ABCC4: variants seen among roughly 807,000 people sequenced by gnomAD.
ABCC4 encodes the protein ATP binding cassette subfamily C member 4 (PEL blood group).
ABCC4 carries 102 observed loss-of-function variants against 168.5 expected under a neutral mutation model. That is an observed-to-expected ratio of 0.61 (90% CI 0.52 to 0.71). The LOEUF (loss-of-function observed/expected upper bound fraction) is 0.71, where lower values mean the gene tolerates loss of function less well. ABCC4 is among the 30% of genes least tolerant of loss of function. ABCC4 has a pLI of 0.00. For synonymous variants in ABCC4, 617 were observed against 590.7 expected (o/e 1.04, Z -0.65); for missense variants, 1,402 against 1,605.8 (o/e 0.87, Z 2.17).
chr13:95,276,825 C>G (rs1006171534), intron 1 of ABCC4, among the ~76,000 whole-genome samples: 1 of 152,154 alleles, frequency 6.6e-6, no homozygotes, highest in Non-Finnish European at 1.5e-5. Flanking sequence ...CCGAGACCAG[C>G]CTGGCCAACA....
intron 9 of ABCC4, among the ~76,000 whole-genome samples, chr13:95,193,787 C>A (rs1403521781): frequency 6.6e-6 from 1 of 152,198 alleles, no homozygotes; most frequent in Non-Finnish European, 1.5e-5. Flanking sequence ...ATGGGCAGAA[C>A]CCAAGTGCTA....
rs61398515 is a variant in ABCC4, at chr13:95,225,153, TCACACACACACA to T, written c.531+9445_531+9456del. On this transcript the variant is annotated intron_variant, in intron 4 of 30. Coordinates refer to ENST00000645237, the MANE Select transcript of ABCC4 (RefSeq NM_005845.5). ...GTCTGTCTGTCTGTCTCTCTCTCTC[TCACACACACACA>T]CACACACACACACACACACACACAC... 2.6e-3 allele frequency among the ~76,000 whole-genome samples: 91 copies of T among 35,270 alleles called. 1 individual carries two copies. Among genetic ancestry groups the T allele is most frequent in the African/African-American group, 4.7e-3 (76 of 16,040 alleles). 23.1% of individuals were successfully genotyped at this position (35,270 alleles called of 152,430 possible). A position where few individuals can be genotyped will look rare whatever the true frequency, so the allele number is the denominator to read the frequency against.
intron 1 of ABCC4, among the ~76,000 whole-genome samples, chr13:95,293,837 G>A (rs1594457287): frequency 6.7e-6 from 1 of 150,266 alleles, no homozygotes; most frequent in South Asian, 2.1e-4. Context: ...CTGGAGTGCA[G>A]TGGTGCAATC....
In ABCC4 at chr13:95,170,632, T is replaced by A. The variant is rs1292201792; in HGVS notation, c.1728-4A>T. Reference sequence around the variant, plus strand: ...ATGCAAAATTTGACAAATACACCTATAAATGTAAAAGGCACAGGGTGAAAA... The same window carrying A: ...ATGCAAAATTTGACAAATACACCTAAAAATGTAAAAGGCACAGGGTGAAAA... On this transcript the variant is annotated splice_polypyrimidine_tract_variant and splice_region_variant and intron_variant, in intron 13 of 30. Coordinates refer to ENST00000645237, the MANE Select transcript of ABCC4 (RefSeq NM_005845.5). 6.3e-7 allele frequency: 1 copy of A among 1,596,056 alleles called. No individual in the cohort carries two copies. Among genetic ancestry groups the A allele is most frequent in the South Asian group, 1.1e-5 (1 of 89,784 alleles).
Position 95,183,414 on chromosome 13 carries a change from T to C in ABCC4, c.1545+3287A>G, listed in dbSNP as rs143488955. On this transcript the variant is annotated intron_variant, in intron 11 of 30. Coordinates refer to ENST00000645237, the MANE Select transcript of ABCC4 (RefSeq NM_005845.5). The stretch of plus-strand genomic sequence containing the variant: ...CTCTATGGCCATCTAACACCCACCA[T>C]TGACACGTGGATTTGAAAAGGAGTC... Among the ~76,000 whole-genome samples, 1,381 of 152,250 alleles carry C rather than the reference T, an allele frequency of 9.1e-3. 19 individuals carry two copies. Among genetic ancestry groups the C allele is most frequent in the Admixed American group, 0.044 (680 of 15,292 alleles).
At chr13:95,272,625 C>A (rs998082076) in intron 1 of ABCC4, among the ~76,000 whole-genome samples, 2 of 152,114 alleles carry the variant, frequency 1.3e-5, no homozygotes, top group Non-Finnish European at 2.9e-5. Context: ...CGGTGGCTCA[C>A]GCCTGTAATC....
chr13:95,118,096 G>A (rs1040888409), intron 19 of ABCC4, among the ~76,000 whole-genome samples: 2 of 152,058 alleles, frequency 1.3e-5, no homozygotes, highest in Non-Finnish European at 2.9e-5. Flanking sequence ...ACACAGCTAC[G>A]CCAATAACTG....
At chr13:95,214,667 C>T (rs1490787796) in intron 4 of ABCC4, among the ~76,000 whole-genome samples, 1 of 152,042 alleles carries the variant, frequency 6.6e-6, no homozygotes, top group Non-Finnish European at 1.5e-5. Flanking sequence ...GGGCAGATCA[C>T]TCGAGCCCAG....
chr13:95,064,260 G>GTATATATATA lies in ABCC4; in HGVS notation c.3211-1411_3211-1402dup, dbSNP rs753635232. On this transcript the variant is annotated intron_variant, in intron 25 of 30. Transcript: ENST00000645237. ...GGTACATCCGGGTGTGTGTGTGTGT[G>GTATATATATA]TATATATATATATATATATATATAT... Among the ~76,000 whole-genome samples, 110 of 21,412 alleles carry GTATATATATA rather than the reference G, an allele frequency of 5.1e-3. 1 individual carries two copies. Among genetic ancestry groups the GTATATATATA allele is most frequent in the African/African-American group, 0.021 (92 of 4,472 alleles). The allele number at this position is 21,412 out of a possible 152,430, so 14.0% of individuals were successfully genotyped here.
chr13:95,176,205 A>T (rs1290500391), intron 13 of ABCC4, among the ~76,000 whole-genome samples: 1 of 104,698 alleles, frequency 9.6e-6, no homozygotes, highest in East Asian at 3.2e-4. Context: ...TAATCTCAGC[A>T]CTCCAGGAAG....
chr13:95,206,178 A>T (rs566449828), intron 8 of ABCC4, among the ~76,000 whole-genome samples: 1 of 152,150 alleles, frequency 6.6e-6, no homozygotes, highest in South Asian at 2.1e-4. Context: ...ATCATACTCA[A>T]CTCATACTCA....
intron 3 of ABCC4, among the ~76,000 whole-genome samples, chr13:95,238,212 A>G (rs933860544): frequency 1.0e-3 from 154 of 151,692 alleles, no homozygotes; most frequent in African/African-American, 3.3e-3. Context: ...AAAAAAAAAA[A>G]AAAAGAAATG....
At chr13:95,143,105 A>C (rs921719051) in intron 19 of ABCC4, among the ~76,000 whole-genome samples, 3 of 152,152 alleles carry the variant, frequency 2.0e-5, no homozygotes, top group African/African-American at 4.8e-5. Flanking sequence ...CTCTAGGCTC[A>C]CAAGCTCTGA....
At chr13:95,142,583 TAA>T (rs575698241) in intron 19 of ABCC4, among the ~76,000 whole-genome samples, 1 of 143,794 alleles carries the variant, frequency 7.0e-6, no homozygotes, top group Non-Finnish European at 1.5e-5. Flanking sequence ...CCTATGGAAA[TAA>T]AAAAAAAAAT....
intron 26 of ABCC4, among the ~76,000 whole-genome samples, chr13:95,056,126 G>A (rs1167011727): frequency 1.3e-5 from 2 of 152,080 alleles, no homozygotes; most frequent in Non-Finnish European, 2.9e-5. Context: ...AAAATCGCAT[G>A]GGGAGTTACA....
intron 26 of ABCC4, among the ~76,000 whole-genome samples, chr13:95,060,926 T>A (rs1275231609): frequency 1.3e-5 from 2 of 152,154 alleles, no homozygotes; most frequent in Non-Finnish European, 2.9e-5. Context: ...CAGCCCCTGG[T>A]GACGACGCTT....
At chr13:95,174,023 T>C (rs769489972) in intron 13 of ABCC4, among the ~76,000 whole-genome samples, 26 of 152,184 alleles carry the variant, frequency 1.7e-4, no homozygotes, top group Non-Finnish European at 3.2e-4. Context: ...TATGCTATTT[T>C]GAATCAGCAG....
chr13:95,289,262 C>T (rs1206876350), intron 1 of ABCC4, among the ~76,000 whole-genome samples: 2 of 152,214 alleles, frequency 1.3e-5, no homozygotes, highest in African/African-American at 2.4e-5. Flanking sequence ...TTTATGCTCA[C>T]GAGCTCTGAA....
chr13:95,193,436 C>A (rs949152660), intron 9 of ABCC4, among the ~76,000 whole-genome samples: 1 of 152,186 alleles, frequency 6.6e-6, no homozygotes, highest in Non-Finnish European at 1.5e-5. Context: ...TCCTGGCAGA[C>A]ATCATCTCCA....
Sources: allele counts gnomAD v4.1 joint callset (sites outside exome capture counted in the v4.1 genomes callset), GRCh38; gene constraint gnomAD v4.1.1; transcripts MANE v1.5; gene names NCBI Gene and HGNC (gene_info 2026-07-23, HGNC 2026-07-21).